LEMD2: variants seen among roughly 807,000 people sequenced by gnomAD.
The protein encoded by LEMD2 is LEM domain-containing protein 2.
A neutral mutation model predicts 58.8 loss-of-function variants in LEMD2; 34 were observed. The ratio of observed to expected loss-of-function variants is 0.58; its 90% CI spans 0.44 to 0.77. The LOEUF (loss-of-function observed/expected upper bound fraction) is 0.77. Among genes scored for constraint, LEMD2 ranks in the 30% least tolerant of loss-of-function variants. LEMD2 has a pLI of 0.00. For missense variants in LEMD2, 629 were observed against 717.9 expected (o/e 0.88, Z 1.42); for synonymous variants, 298 against 308.9 (o/e 0.96, Z 0.37).
intron 8 of LEMD2, among the ~76,000 whole-genome samples, chr6:33,774,584 C>T (rs1364426067): frequency 1.3e-5 from 2 of 152,058 alleles, no homozygotes; most frequent in Non-Finnish European, 2.9e-5. Flanking sequence ...TGCATGCCAC[C>T]ATGCCCGGCT....
rs1466576125 is a variant in LEMD2 at position 33,786,744 on chromosome 6, T to C, written c.767A>G (p.Lys256Arg). The change falls in exon 2 of 9, where the codon AAA (lysine) becomes AGA (arginine). Residue 256 changes from lysine to arginine, a missense_variant. Physicochemically the swap from Lys to Arg is conservative, Grantham distance 26. Transcript: ENST00000293760. Reference sequence around the variant, plus strand: ...GAAACTCAAACTCACCTCATCTGTTTTTCTCTCACAGTCCACTGGCAATAA... The same window carrying C: ...GAAACTCAAACTCACCTCATCTGTTCTTCTCTCACAGTCCACTGGCAATAA... ...MKLLPVDCER[K>R]TDEFCQAKQK... The C allele has an allele frequency of 6.2e-7, 1 of 1,613,682 alleles. No individual in the cohort carries two copies. Among genetic ancestry groups the C allele is most frequent in the Non-Finnish European group, 8.5e-7 (1 of 1,179,674 alleles).
In LEMD2 at chr6:33,771,862, G is replaced by C. The variant is rs1354373548; in HGVS notation, c.*766C>G. The C allele has an allele frequency of 6.6e-6, 1 of 152,344 alleles. No homozygotes were observed. Among genetic ancestry groups the C allele is most frequent in the South Asian group, 2.1e-4 (1 of 4,838 alleles). 9.4% of individuals were successfully genotyped at this position (152,344 alleles called of 1,614,324 possible). Reference sequence around the variant, plus strand: ...CTGGGCCCTGACGCAGGGCTCCCAAGCTCCCGGAATCGGCGTTCTGGCTGC... The same window carrying C: ...CTGGGCCCTGACGCAGGGCTCCCAACCTCCCGGAATCGGCGTTCTGGCTGC... On this transcript the variant is annotated 3_prime_UTR_variant, in exon 9 of 9. Transcript: ENST00000293760.
At chr6:33,777,106 G>A (rs534861981) in intron 7 of LEMD2, 32 bp downstream of exon 7, 20 of 1,610,614 alleles carry the variant, frequency 1.2e-5, no homozygotes, top group Middle Eastern at 1.6e-4. Context: ...GGCTGGCGTC[G>A]GCAACCCTTT....
In LEMD2 at chr6:33,771,709, C is replaced by T. The variant is rs1035240197; in HGVS notation, c.*919G>A. The T allele has an allele frequency of 6.6e-6, 1 of 152,228 alleles. No individual in the cohort carries two copies. Among genetic ancestry groups the T allele is most frequent in the African/African-American group, 2.4e-5 (1 of 41,462 alleles). The allele number at this position is 152,228 out of a possible 1,614,324, so 9.4% of individuals were successfully genotyped here. On this transcript the variant is annotated 3_prime_UTR_variant, in exon 9 of 9. Coordinates refer to ENST00000293760, the MANE Select transcript of LEMD2 (RefSeq NM_181336.4). ...CAGCCTGCAGCCACTGCGCCTCTCC[C>T]GCCGCCAAGAGCCGCGGCCGGGGTA... is the stretch of plus-strand genomic sequence containing the variant.
intron 1 of LEMD2, among the ~76,000 whole-genome samples, chr6:33,787,431 C>G (rs1767703945): frequency 6.6e-6 from 1 of 152,246 alleles, no homozygotes; most frequent in African/African-American, 2.4e-5. Flanking sequence ...CTTGTACACT[C>G]CCAAACATCC....
intron 8 of LEMD2, among the ~76,000 whole-genome samples, chr6:33,776,318 C>T (rs1767428881): frequency 6.6e-6 from 1 of 152,240 alleles, no homozygotes; most frequent in Non-Finnish European, 1.5e-5. Context: ...TTGCCAGTGA[C>T]TGATTCATAA....
chr6:33,780,160 G>A lies in LEMD2; in HGVS notation c.950C>T (p.Ser317Phe), dbSNP rs1767532516. 1 of 1,592,696 alleles carries A rather than the reference G, an allele frequency of 6.3e-7. No homozygotes were observed. The highest frequency in any genetic ancestry group is 8.6e-7 in the Non-Finnish European group (1 of 1,168,468). The change falls in exon 5 of 9, where the codon TCC becomes TTC. Residue 317 changes from serine to phenylalanine, a missense_variant. By Grantham distance (155) the Ser-to-Phe change is radical. This residue lies in a region of LEMD2 where 243 missense variants were observed against 336.8 expected (regional missense o/e 0.72). Coordinates refer to ENST00000293760, the MANE Select transcript of LEMD2 (RefSeq NM_181336.4). The stretch of plus-strand genomic sequence containing the variant: ...GGTCAGTGCGGCTTCAAACTTGGCG[G>A]AGGAGCTGCTGGTCACATTCTGTGG... ...EYIANVTSSS[S>F]AKFEAALTWI...
intron 2 of LEMD2, 50 bp from the exon 3 acceptor site, chr6:33,784,477 G>GGGGGGCCCCCC: frequency 4.6e-6 from 2 of 430,804 alleles, no homozygotes; most frequent in Non-Finnish European, 9.5e-6. Flanking sequence ...GGTGGGAGGG[G>GGGGGGCCCCCC]TCCGTCTGTC....
intron 1 of LEMD2, 167 bp from the exon 2 acceptor site, chr6:33,786,941 T>G: frequency 2.1e-6 from 3 of 1,416,634 alleles, no homozygotes; most frequent in Non-Finnish European, 2.8e-6. Flanking sequence ...GACAGCAAAA[T>G]GTAAGGGTAT....
intron 3 of LEMD2, among the ~76,000 whole-genome samples, chr6:33,782,722 C>G (rs1271872537): frequency 6.6e-6 from 1 of 152,202 alleles, no homozygotes; most frequent in Non-Finnish European, 1.5e-5. Flanking sequence ...TCCAGTAGAC[C>G]CCAAGCCGGG....
chr6:33,783,974 G>A (rs1259710632), intron 3 of LEMD2, among the ~76,000 whole-genome samples: 2 of 152,212 alleles, frequency 1.3e-5, no homozygotes, highest in Non-Finnish European at 2.9e-5. Context: ...CTGGTTCAGA[G>A]GGTCCCTCTA....
In LEMD2 at chr6:33,772,557, G is replaced by A; in HGVS notation, c.*71C>T. ...GTGTGAATTCAGCACCGCAGGCCTG[G>A]TGACCCTCCTGTGCCTCTGGAGTGG... On this transcript the variant is annotated 3_prime_UTR_variant, in exon 9 of 9. Transcript: ENST00000293760. 1 of 1,465,850 alleles carries A rather than the reference G, an allele frequency of 6.8e-7. No homozygotes were observed. The highest frequency in any genetic ancestry group is 1.4e-5 in the African/African-American group (1 of 71,846). 90.8% of individuals were successfully genotyped at this position (1,465,850 alleles called of 1,614,324 possible). A position where few individuals can be genotyped will look rare whatever the true frequency, so the allele number is the denominator to read the frequency against.
At chr6:33,780,854 C>T (rs1036150096) in intron 4 of LEMD2, among the ~76,000 whole-genome samples, 2 of 152,180 alleles carry the variant, frequency 1.3e-5, no homozygotes, top group African/African-American at 4.8e-5. Context: ...AGGAGTGAGC[C>T]GCCCCACTGC....
At chr6:33,784,505 C>A in intron 2 of LEMD2, 78 bp from the exon 3 acceptor site, 2 of 822,380 alleles carry the variant, frequency 2.4e-6, no homozygotes, top group Non-Finnish European at 4.1e-6. Flanking sequence ...ACTTCTCCAG[C>A]CACACTGTCA....
At chr6:33,787,484 T>C (rs1219248669) in intron 1 of LEMD2, among the ~76,000 whole-genome samples, 1 of 152,258 alleles carries the variant, frequency 6.6e-6, no homozygotes, top group Non-Finnish European at 1.5e-5. Context: ...TTTTCCTGTA[T>C]TTTGGCAGTT....
At chr6:33,774,711 T>C (rs1232659631) in intron 8 of LEMD2, among the ~76,000 whole-genome samples, 1 of 152,204 alleles carries the variant, frequency 6.6e-6, no homozygotes, top group Non-Finnish European at 1.5e-5. Flanking sequence ...ATTACAGGCA[T>C]GAGCCACCGT....
At chr6:33,775,683 G>A (rs575368726) in intron 8 of LEMD2, among the ~76,000 whole-genome samples, 9 of 152,306 alleles carry the variant, frequency 5.9e-5, no homozygotes, top group Admixed American at 2.0e-4. Context: ...GATGTTGACA[G>A]TAGAGCCTGG....
chr6:33,780,076 C>A, intron 5 of LEMD2, 24 bp downstream of exon 5: 1 of 1,558,502 alleles, frequency 6.4e-7, no homozygotes, highest in Middle Eastern at 1.8e-4. Context: ...ACCCATGCTG[C>A]GTCGCCACCC....
chr6:33,783,172 C>T (rs1270301166), intron 3 of LEMD2, among the ~76,000 whole-genome samples: 1 of 152,190 alleles, frequency 6.6e-6, no homozygotes, highest in Non-Finnish European at 1.5e-5. Context: ...ATTTGAGACA[C>T]AAAGGTTTGG....
Sources: allele counts gnomAD v4.1 joint callset (sites outside exome capture counted in the v4.1 genomes callset), GRCh38; gene constraint gnomAD v4.1.1; regional missense constraint gnomAD v4.1.1; transcripts MANE v1.5; gene names NCBI Gene and HGNC (gene_info 2026-07-23, HGNC 2026-07-21).